The following ZNF365 variants were observed in gnomAD, a reference collection of about 807,000 sequenced individuals.
The protein encoded by ZNF365 is zinc finger protein 365.
In ZNF365, 22 loss-of-function variants were observed where a neutral mutation model predicts 35.0. That is an observed-to-expected ratio of 0.63 (90% CI 0.45 to 0.90). The LOEUF (loss-of-function observed/expected upper bound fraction) is 0.90, where lower values mean the gene tolerates loss of function less well. ZNF365 is among the 40% of genes least tolerant of loss of function. ZNF365 has a pLI of 0.00. For synonymous variants in ZNF365, 188 were observed against 196.2 expected (o/e 0.96, Z 0.35); for missense variants, 448 against 500.3 (o/e 0.90, Z 1.00).
At chr10:62,426,054 T>C (rs185721314) in intron 3 of ZNF365, among the ~76,000 whole-genome samples, 24 of 152,278 alleles carry the variant, frequency 1.6e-4, no homozygotes, top group African/African-American at 5.1e-4. Flanking sequence ...CCTCCCTATA[T>C]GTTAAAGCCT....
At chr10:62,416,798 A>G (rs183609660) in intron 3 of ZNF365, among the ~76,000 whole-genome samples, 1 of 152,186 alleles carries the variant, frequency 6.6e-6, no homozygotes, top group East Asian at 1.9e-4. Context: ...TTGAAATCCA[A>G]AATACTCCAG....
At chr10:62,381,480 G>A (rs1254124001) in intron 2 of ZNF365, among the ~76,000 whole-genome samples, 1 of 152,080 alleles carries the variant, frequency 6.6e-6, no homozygotes, top group Non-Finnish European at 1.5e-5. Context: ...CCAGACTCCT[G>A]AAAATGTGAT....
intron 3 of ZNF365, among the ~76,000 whole-genome samples, chr10:62,421,237 A>T (rs1332756913): frequency 6.6e-6 from 1 of 152,176 alleles, no homozygotes; most frequent in African/African-American, 2.4e-5. Context: ...GGTCTTGTGA[A>T]TGTAGGAGAG....
chr10:62,402,399 G>C lies in ZNF365; in HGVS notation c.*2610G>C. On this transcript the variant is annotated 3_prime_UTR_variant, in exon 5 of 5. Transcript: ENST00000395254. ...TGGAATATTCTGTTCCAGAATTAAA[G>C]AAGTTTTTAGATTATGAAATATTAT... 2 of 984,804 alleles carry C rather than the reference G, an allele frequency of 2.0e-6. No individual in the cohort carries two copies. The highest frequency in any genetic ancestry group is 2.4e-6 in the Non-Finnish European group (2 of 829,250). The allele number at this position is 984,804 out of a possible 1,614,324, so 61.0% of individuals were successfully genotyped here.
At chr10:62,398,629 C>G in intron 3 of ZNF365, 111 bp from the exon 4 acceptor site, 1 of 930,630 alleles carries the variant, frequency 1.1e-6, no homozygotes, top group Non-Finnish European at 1.7e-6. Flanking sequence ...CAGTAGCAGT[C>G]ACTGACTCCC....
At chr10:62,445,275 C>G (rs1209940076) in intron 3 of ZNF365, among the ~76,000 whole-genome samples, 192 of 142,264 alleles carry the variant, frequency 1.3e-3, no homozygotes, top group African/African-American at 2.6e-3. Flanking sequence ...ATTTATAGTC[C>G]TTTGGGTATA....
chr10:62,419,723 C>A (rs1054229627), intron 3 of ZNF365, among the ~76,000 whole-genome samples: 1 of 152,030 alleles, frequency 6.6e-6, no homozygotes, highest in African/African-American at 2.4e-5. Context: ...TAGGGTTTTT[C>A]TTGTGTTATT....
intron 4 of ZNF365, among the ~76,000 whole-genome samples, chr10:62,468,301 G>A (rs1840977408): frequency 1.3e-5 from 2 of 152,066 alleles, no homozygotes; most frequent in Non-Finnish European, 2.9e-5. Context: ...ACTTATATAT[G>A]TATGTATGTA....
intron 4 of ZNF365, among the ~76,000 whole-genome samples, chr10:62,462,144 A>G (rs1840857606): frequency 6.6e-6 from 1 of 152,158 alleles, no homozygotes; most frequent in Admixed American, 6.5e-5. Context: ...GAGTTACATG[A>G]GATTCTCACC....
At position 62,384,304 on chromosome 10, in the gene ZNF365, A is replaced by T. The variant is rs80242014; in HGVS notation, c.744-4092A>T. Among the ~76,000 whole-genome samples the T allele has an allele frequency of 3.9e-4, 60 of 152,212 alleles. 2 individuals carry two copies. In the East Asian group the frequency reaches 0.011, roughly 28 times the overall value. On this transcript the variant is annotated intron_variant, in intron 2 of 4. Coordinates refer to ENST00000395254, the MANE Select transcript of ZNF365 (RefSeq NM_014951.3). ...AGGGTTGAGAACCAGAAATAAAACC[A>T]CACAAGTCTTCTACTGTTCTGTCCG...
At chr10:62,465,535 C>T (rs1444605422) in intron 4 of ZNF365, among the ~76,000 whole-genome samples, 1 of 152,122 alleles carries the variant, frequency 6.6e-6, no homozygotes, top group African/African-American at 2.4e-5. Context: ...GGTGTTTTTT[C>T]AGGCCCACCC....
intron 3 of ZNF365, among the ~76,000 whole-genome samples, chr10:62,456,187 AC>A (rs1840758014): frequency 6.6e-6 from 1 of 152,130 alleles, no homozygotes; most frequent in Non-Finnish European, 1.5e-5. Context: ...AATTTAAATG[AC>A]CAACTGCTGC....
At chr10:62,472,005 C>A (rs1841047838) in intron 4 of ZNF365, among the ~76,000 whole-genome samples, 1 of 152,248 alleles carries the variant, frequency 6.6e-6, no homozygotes, top group African/African-American at 2.4e-5. Context: ...CTTCAACAAT[C>A]TGCCTTTTCT....
chr10:62,387,543 A>T lies in ZNF365; in HGVS notation c.744-853A>T, dbSNP rs1839545200. 3.3e-5 allele frequency among the ~76,000 whole-genome samples: 5 copies of T among 152,198 alleles called. No homozygotes were observed. In the South Asian group the frequency reaches 1.0e-3, roughly 31 times the overall value. ...AATAAAGTTATTAGAATTTTTCTGGATTTGTAATCTACTTGTGAATTATGT... is the reference window on the plus strand; with the variant it reads ...AATAAAGTTATTAGAATTTTTCTGGTTTTGTAATCTACTTGTGAATTATGT... On this transcript the variant is annotated intron_variant, in intron 2 of 4. Coordinates refer to ENST00000395254, the MANE Select transcript of ZNF365 (RefSeq NM_014951.3).
intron 3 of ZNF365, among the ~76,000 whole-genome samples, chr10:62,407,852 C>CA (rs1447791543): frequency 1.3e-5 from 2 of 152,214 alleles, no homozygotes; most frequent in African/African-American, 4.8e-5. Context: ...TGAACACAGA[C>CA]ATAGCCTCAG....
chr10:62,405,812 A>G (rs1201617138), downstream of ZNF365, among the ~76,000 whole-genome samples: 2 of 152,240 alleles, frequency 1.3e-5, no homozygotes, highest in African/African-American at 2.4e-5. Flanking sequence ...AGTATATCAT[A>G]CAGAAACAGA....
chr10:62,404,083 C>T (rs1215602572), downstream of ZNF365, among the ~76,000 whole-genome samples: 1 of 152,006 alleles, frequency 6.6e-6, no homozygotes, highest in African/African-American at 2.4e-5. Flanking sequence ...AACTATAGCC[C>T]TATGTTAAAT....
At chr10:62,418,169 A>G (rs1840104786) in intron 3 of ZNF365, among the ~76,000 whole-genome samples, 1 of 152,056 alleles carries the variant, frequency 6.6e-6, no homozygotes, top group Non-Finnish European at 1.5e-5. Flanking sequence ...ATCTTATAGT[A>G]TTGATATTTG....
chr10:62,394,594 A>G (rs895801866), intron 3 of ZNF365, among the ~76,000 whole-genome samples: 1 of 152,236 alleles, frequency 6.6e-6, no homozygotes, highest in African/African-American at 2.4e-5. Flanking sequence ...TTCAGAGCAT[A>G]AAGATAAAAT....
Sources: gnomAD v4.1 joint callset for allele counts (sites outside exome capture counted in the v4.1 genomes callset) on GRCh38, gnomAD v4.1.1 for gene constraint, MANE v1.5 for transcripts, NCBI Gene and HGNC (gene_info 2026-07-23, HGNC 2026-07-21) for gene names.